IRAK1BP1: variants seen among roughly 807,000 people sequenced by gnomAD.
The protein encoded by IRAK1BP1 is interleukin-1 receptor-associated kinase 1-binding protein 1.
Under a neutral mutation model 28.0 loss-of-function variants are expected in IRAK1BP1, and 24 were observed. That is an observed-to-expected ratio of 0.86 (90% confidence interval 0.62 to 1.20). IRAK1BP1 has a LOEUF of 1.20. IRAK1BP1 is among the 50% of genes most tolerant of loss of function. IRAK1BP1 has a pLI of 0.00. For synonymous variants in IRAK1BP1, 131 were observed against 116.3 expected (o/e 1.13, Z -0.81); for missense variants, 336 against 316.7 (o/e 1.06, Z -0.46).
At position 78,898,361 on chromosome 6, in the gene IRAK1BP1, G is replaced by A. The variant is rs370989162; in HGVS notation, c.*27G>A. On this transcript the variant is annotated 3_prime_UTR_variant, in exon 4 of 4. Transcript: ENST00000369940. ...ATTCCAAACAAATTATATTGTACTT[G>A]TATCTTTTTACCTATTTTTATACTT... 6.4e-6 allele frequency: 8 copies of A among 1,243,740 alleles called. No individual in the cohort carries two copies. The highest frequency in any genetic ancestry group is 6.5e-6 in the Non-Finnish European group (6 of 924,878). The allele number at this position is 1,243,740 out of a possible 1,614,324, so 77.0% of individuals were successfully genotyped here.
rs1211523277 is a variant in IRAK1BP1, at chr6:78,900,174, G to C, written c.*1840G>C. ...TGGCTTGAGACTACCTTGCTGAACA[G>C]ACCAAGGTCAAACACTGAGATAATA... On this transcript the variant is annotated 3_prime_UTR_variant, in exon 4 of 4. Transcript: ENST00000369940. 1 of 152,202 alleles carries C rather than the reference G, an allele frequency of 6.6e-6. No homozygotes were observed. The highest frequency in any genetic ancestry group is 1.9e-4 in the East Asian group (1 of 5,200). The allele number at this position is 152,202 out of a possible 1,614,324, so 9.4% of individuals were successfully genotyped here.
intron 1 of IRAK1BP1, chr6:78,872,017 T>G: frequency 1.6e-6 from 1 of 624,778 alleles, no homozygotes. Flanking sequence ...GGAATTAAAG[T>G]CCTCTCCCCC....
chr6:78,943,238 A>G (rs1181065517), intron 4 of IRAK1BP1, among the ~76,000 whole-genome samples: 8 of 152,196 alleles, frequency 5.3e-5, no homozygotes, highest in African/African-American at 1.9e-4. Flanking sequence ...TAAATAGTTA[A>G]TTTAGGTGTC....
chr6:78,971,623 C>T, the IRAK1BP1 span, among the ~76,000 whole-genome samples: 1 of 152,106 alleles, frequency 6.6e-6, no homozygotes, highest in Non-Finnish European at 1.5e-5. Context: ...GTAACGGGTT[C>T]ATCTCACTAG....
exon 5 of IRAK1BP1, chr6:78,946,382 T>C (rs887356184): frequency 1.0e-5 from 14 of 1,388,452 alleles, no homozygotes; most frequent in South Asian, 4.6e-5. Flanking sequence ...ATGAGATTTA[T>C]AGTGGATTTC....
At chr6:78,968,556 G>A in the IRAK1BP1 span, among the ~76,000 whole-genome samples, 1 of 152,146 alleles carries the variant, frequency 6.6e-6, no homozygotes, top group Non-Finnish European at 1.5e-5. Flanking sequence ...GGAGGTCCTG[G>A]AAGTAATTCC....
the IRAK1BP1 span, among the ~76,000 whole-genome samples, chr6:78,959,870 T>C: frequency 6.6e-6 from 1 of 152,146 alleles, no homozygotes; most frequent in Admixed American, 6.6e-5. Context: ...AAGTCAAAAA[T>C]GCATGCGATA....
chr6:78,961,835 A>C, the IRAK1BP1 span: 1 of 1,563,710 alleles, frequency 6.4e-7, no homozygotes, highest in Non-Finnish European at 8.7e-7. Flanking sequence ...TAAGTTTGTA[A>C]ATTTATTTTT....
downstream of IRAK1BP1, among the ~76,000 whole-genome samples, chr6:78,949,168 G>A (rs187694529): frequency 6.4e-4 from 97 of 152,180 alleles, 1 homozygote; most frequent in South Asian, 8.1e-3. Flanking sequence ...GTTTTCCTTT[G>A]TTCCCGGTTT....
chr6:78,886,601 T>C (rs893727677), intron 2 of IRAK1BP1, among the ~76,000 whole-genome samples: 4 of 152,140 alleles, frequency 2.6e-5, no homozygotes, highest in African/African-American at 7.2e-5. Context: ...GCACTTCAGA[T>C]TGTAATAAAT....
intron 4 of IRAK1BP1, among the ~76,000 whole-genome samples, chr6:78,922,214 C>T (rs924902260): frequency 6.6e-6 from 1 of 152,134 alleles, no homozygotes; most frequent in African/African-American, 2.4e-5. Flanking sequence ...ATAACCAATG[C>T]AGAGAAGTCC....
At chr6:78,892,756 A>G (rs1255694278) in intron 2 of IRAK1BP1, among the ~76,000 whole-genome samples, 1 of 152,194 alleles carries the variant, frequency 6.6e-6, no homozygotes, top group Non-Finnish European at 1.5e-5. Flanking sequence ...ATTTCCAAAG[A>G]TGAAAACTAC....
At position 78,897,811 on chromosome 6, in the gene IRAK1BP1, G is replaced by A. The variant is rs542936401; in HGVS notation, c.382-18G>A. On this transcript the variant is annotated intron_variant, in intron 2 of 3. Coordinates refer to ENST00000369940, the MANE Select transcript of IRAK1BP1 (RefSeq NM_001010844.4). The stretch of plus-strand genomic sequence containing the variant: ...GTACATCAGACATGAAAATAATATC[G>A]TGTCATTTCATTTACAGGTCTGCAT... 14 of 1,603,318 alleles carry A rather than the reference G, an allele frequency of 8.7e-6. No homozygotes were observed. The highest frequency in any genetic ancestry group is 2.7e-5 in the African/African-American group (2 of 74,638).
At position 78,940,950 on chromosome 6, in the gene IRAK1BP1, C is replaced by T. The variant is rs1026763161; in HGVS notation, c.*68-4458C>T. The T allele has an allele frequency of 7.4e-6, 12 of 1,613,934 alleles. No individual in the cohort carries two copies. Among genetic ancestry groups the T allele is most frequent in the Non-Finnish European group, 1.0e-5 (12 of 1,179,970 alleles). On this transcript the variant is annotated intron_variant and NMD_transcript_variant, in intron 4 of 4. Transcript: ENST00000606868. ...TTTTTTCGGTTACTTCTCCTTAACA[C>T]TTTGACACTTGCAGGGACTAGGAGA...
chr6:78,869,249 G>A (rs1453529623), intron 1 of IRAK1BP1, among the ~76,000 whole-genome samples: 2 of 152,234 alleles, frequency 1.3e-5, no homozygotes, highest in East Asian at 1.9e-4. Context: ...GCTGGGCATG[G>A]TGGCTCATGC....
At chr6:78,895,586 T>A (rs1246638302) in intron 2 of IRAK1BP1, among the ~76,000 whole-genome samples, 2 of 152,198 alleles carry the variant, frequency 1.3e-5, no homozygotes, top group Non-Finnish European at 2.9e-5. Flanking sequence ...CCAGGTTGGT[T>A]AACATTCAGA....
At chr6:78,972,580 G>C in the IRAK1BP1 span, among the ~76,000 whole-genome samples, 6 of 152,122 alleles carry the variant, frequency 3.9e-5, no homozygotes, top group African/African-American at 1.4e-4. Context: ...AAATTACTCT[G>C]AGCTACAGGA....
At chr6:78,964,937 G>A in the IRAK1BP1 span, among the ~76,000 whole-genome samples, 2 of 152,160 alleles carry the variant, frequency 1.3e-5, no homozygotes, top group African/African-American at 4.8e-5. Context: ...AATTGTGCAT[G>A]TGTGTTGTAT....
chr6:78,971,344 T>C, the IRAK1BP1 span, among the ~76,000 whole-genome samples: 1 of 152,360 alleles, frequency 6.6e-6, no homozygotes, highest in East Asian at 1.9e-4. Context: ...CCACATTTCA[T>C]GAAGATCAAA....
Sources: gnomAD v4.1 joint callset for allele counts (sites outside exome capture counted in the v4.1 genomes callset) on GRCh38, gnomAD v4.1.1 for gene constraint, MANE v1.5 for transcripts, NCBI Gene and HGNC (gene_info 2026-07-23, HGNC 2026-07-21) for gene names.